TRPC4AP: variants seen among roughly 807,000 people sequenced by gnomAD.
TRPC4AP encodes the protein transient receptor potential cation channel subfamily C member 4 associated protein.
TRPC4AP carries 45 observed loss-of-function variants against 99.0 expected under a neutral mutation model. That is an observed-to-expected ratio of 0.45 (90% CI 0.36 to 0.58). TRPC4AP has a LOEUF of 0.58. Ranked by LOEUF, TRPC4AP falls within the 20% of genes least tolerant of loss-of-function variation. The pLI is 0.00. For synonymous variants in TRPC4AP, 408 were observed against 385.8 expected (o/e 1.06, Z -0.67); for missense variants, 879 against 985.3 (o/e 0.89, Z 1.44).
intron 1 of TRPC4AP, among the ~76,000 whole-genome samples, chr20:35,089,353 A>C (rs2084974383): frequency 6.6e-6 from 1 of 150,396 alleles, no homozygotes; most frequent in Non-Finnish European, 1.5e-5. Flanking sequence ...CGGGTTCCTG[A>C]GCAGCTGGGA....
chr20:35,092,694 C>T lies in TRPC4AP; in HGVS notation c.88G>A (p.Gly30Ser). 1 of 1,540,934 alleles carries T rather than the reference C, an allele frequency of 6.5e-7. No individual in the cohort carries two copies. The highest frequency in any genetic ancestry group is 8.7e-7 in the Non-Finnish European group (1 of 1,154,176). Residue 30 changes from glycine (G) to serine (S), a missense_variant, in exon 1 of 19, where the codon GGC becomes AGC. Gly to Ser is a moderately conservative substitution (Grantham distance 56). Coordinates refer to ENST00000252015, the MANE Select transcript of TRPC4AP (RefSeq NM_015638.3). ...AGAATGTTACCAGGCCGCGGCCGGC[C>T]GCCCCATCCGCCCCAAGCCGCCACT... is the stretch of plus-strand genomic sequence containing the variant. ...ATVAAWGGWG[G>S]RPRPGNILLQ...
chr20:35,043,019 T>TC (rs370466123), intron 7 of TRPC4AP, among the ~76,000 whole-genome samples: 1 of 150,896 alleles, frequency 6.6e-6, no homozygotes, highest in Non-Finnish European at 1.5e-5. Flanking sequence ...GGTCTTATTC[T>TC]CCCCCTGACT....
chr20:35,058,878 G>A (rs547754923), intron 3 of TRPC4AP, among the ~76,000 whole-genome samples: 3 of 151,942 alleles, frequency 2.0e-5, no homozygotes, highest in African/African-American at 2.4e-5. Context: ...TAGTAGAAAC[G>A]AGGTTTTGCC....
chr20:35,018,177 G>GTC (rs1569089505), intron 9 of TRPC4AP, among the ~76,000 whole-genome samples: 1 of 152,212 alleles, frequency 6.6e-6, no homozygotes, highest in East Asian at 1.9e-4. Context: ...TTAGGGGTGA[G>GTC]TCACACAGCT....
At chr20:35,056,442 C>T (rs564200762) in intron 4 of TRPC4AP, among the ~76,000 whole-genome samples, 3 of 152,038 alleles carry the variant, frequency 2.0e-5, no homozygotes, top group South Asian at 4.2e-4. Context: ...TATGAGGGTA[C>T]ATAGAGAACA....
intron 3 of TRPC4AP, among the ~76,000 whole-genome samples, chr20:35,060,584 C>CGAAAAAAAAAA (rs1569133058): frequency 2.2e-5 from 1 of 45,868 alleles, no homozygotes. Context: ...GACCTTGTCT[C>CGAAAAAAAAAA]CAAAAAAAAA....
intron 2 of TRPC4AP, among the ~76,000 whole-genome samples, chr20:35,075,094 T>TC (rs1407115672): frequency 6.6e-6 from 1 of 152,010 alleles, no homozygotes; most frequent in Non-Finnish European, 1.5e-5. Flanking sequence ...GCTTTTTTTT[T>TC]TGTTTTCCAC....
rs143512216 is a variant in TRPC4AP, at chr20:35,010,530, G to A, written c.1410-242C>T. On this transcript the variant is annotated intron_variant, in intron 11 of 18. Transcript: ENST00000252015. Reference sequence around the variant, plus strand: ...CCGACCCCTGCCTGCCACATTCATCGACAAGGCCCCTTCCCTCAGCAGCTC... The same window carrying A: ...CCGACCCCTGCCTGCCACATTCATCAACAAGGCCCCTTCCCTCAGCAGCTC... 6.8e-4 allele frequency among the ~76,000 whole-genome samples: 101 copies of A among 149,496 alleles called. 1 individual carries two copies. The East Asian group carries it at 0.017, about 25-fold the overall frequency.
At chr20:35,035,066 G>A in intron 8 of TRPC4AP, 57 bp downstream of exon 8, 4 of 1,525,730 alleles carry the variant, frequency 2.6e-6, no homozygotes, top group Non-Finnish European at 3.6e-6. Flanking sequence ...GAGCAAGAAT[G>A]GTCCCAGGCG....
Position 35,086,535 on chromosome 20 carries a change from G to GTATATATATA in TRPC4AP, c.168+6078_168+6079insTATATATATA, listed in dbSNP as rs1569158044. Among the ~76,000 whole-genome samples the GTATATATATA allele has an allele frequency of 2.0e-3, 36 of 17,750 alleles. 3 individuals carry two copies. The highest frequency in any genetic ancestry group is 0.05 in the Middle Eastern group (1 of 20). The allele number at this position is 17,750 out of a possible 152,430, so 11.6% of individuals were successfully genotyped here. A position where few individuals can be genotyped will look rare whatever the true frequency, so the allele number is the denominator to read the frequency against. On this transcript the variant is annotated intron_variant, in intron 1 of 18. Transcript: ENST00000252015. The stretch of plus-strand genomic sequence containing the variant: ...TGTGTGTGTGTATATATGTGTGTGT[G>GTATATATATA]TGTGTGTGTGTGTGTGTGTGTGTGT...
intron 12 of TRPC4AP, 62 bp downstream of exon 12, chr20:35,010,125 A>T: frequency 7.1e-7 from 1 of 1,410,366 alleles, no homozygotes; most frequent in East Asian, 2.3e-5. Flanking sequence ...CTCACCGGTG[A>T]GCCCCCGGGG....
chr20:35,013,396 A>G (rs2082681648), intron 10 of TRPC4AP, among the ~76,000 whole-genome samples: 1 of 152,118 alleles, frequency 6.6e-6, no homozygotes, highest in Non-Finnish European at 1.5e-5. Context: ...CCTGGGCAAC[A>G]TGGCAAACCC....
intron 1 of TRPC4AP, 33 bp downstream of exon 1, chr20:35,092,581 C>T (rs750259959): frequency 1.4e-6 from 2 of 1,445,234 alleles, no homozygotes; most frequent in Non-Finnish European, 1.8e-6. Flanking sequence ...GCCTGGTCCG[C>T]CCCGCCCCGC....
intron 2 of TRPC4AP, among the ~76,000 whole-genome samples, chr20:35,077,263 C>T (rs978082201): frequency 3.3e-5 from 5 of 152,132 alleles, no homozygotes; most frequent in African/African-American, 4.8e-5. Context: ...GTGGACTGCA[C>T]CCACTGTCTG....
intron 3 of TRPC4AP, among the ~76,000 whole-genome samples, chr20:35,061,015 T>C (rs1233951860): frequency 6.6e-6 from 1 of 151,976 alleles, no homozygotes; most frequent in Non-Finnish European, 1.5e-5. Context: ...AAAAAGAAAT[T>C]AAAGGCACCC....
chr20:35,024,505 C>A (rs942156815), intron 8 of TRPC4AP, among the ~76,000 whole-genome samples: 2 of 152,076 alleles, frequency 1.3e-5, no homozygotes, highest in Admixed American at 1.3e-4. Context: ...CCTTTTATTG[C>A]TGAATAATAT....
intron 17 of TRPC4AP, 139 bp downstream of exon 17, chr20:35,004,319 T>C (rs113338276): frequency 0.018 from 13,266 of 726,054 alleles, 193 homozygotes; most frequent in Non-Finnish European, 0.02. Flanking sequence ...CACTGATTCC[T>C]CCTGAGCACA....
intron 5 of TRPC4AP, among the ~76,000 whole-genome samples, chr20:35,050,677 C>T (rs1030122472): frequency 6.6e-6 from 1 of 150,858 alleles, no homozygotes; most frequent in African/African-American, 2.4e-5. Context: ...TGTGCAAATG[C>T]ACTCTAGCCT....
At chr20:35,010,963 G>T (rs1337094932) in intron 11 of TRPC4AP, among the ~76,000 whole-genome samples, 1 of 152,200 alleles carries the variant, frequency 6.6e-6, no homozygotes, top group Non-Finnish European at 1.5e-5. Context: ...ATGCCGTTAA[G>T]TTGAAAACAT....
Sources: allele counts gnomAD v4.1 joint callset (sites outside exome capture counted in the v4.1 genomes callset), GRCh38; gene constraint gnomAD v4.1.1; transcripts MANE v1.5; gene names NCBI Gene and HGNC (gene_info 2026-07-23, HGNC 2026-07-21).